Variants in ZNF124 observed in about 807,000 individuals in gnomAD.
ZNF124 encodes the protein zinc finger protein 124.
A neutral mutation model predicts 26.6 loss-of-function variants in ZNF124; 25 were observed. The observed-to-expected ratio is 0.94, with a 90% confidence interval of 0.68 to 1.31. ZNF124 has a LOEUF of 1.31. ZNF124 is among the 40% of genes most tolerant of loss of function. The probability of loss-of-function intolerance (pLI) is 0.00; values close to 1 mark genes in which losing one functional copy is unlikely to be tolerated. For missense variants in ZNF124, 444 were observed against 422.2 expected (o/e 1.05, Z -0.45); for synonymous variants, 129 against 133.3 (o/e 0.97, Z 0.22).
At chr1:247,128,013 T>G (rs558687561) in intron 3 of ZNF124, among the ~76,000 whole-genome samples, 35 of 152,332 alleles carry the variant, frequency 2.3e-4, no homozygotes, top group Non-Finnish European at 2.9e-5. Flanking sequence ...CATGACCGTA[T>G]TCCCCAGCCT....
chr1:247,127,487 A>ATTTCTGC (rs1553330202), intron 3 of ZNF124, among the ~76,000 whole-genome samples: 1 of 108,916 alleles, frequency 9.2e-6, no homozygotes, highest in Non-Finnish European at 2.0e-5. Context: ...CTTATGCCCA[A>ATTTCTGC]TTTCTGCCTC....
intron 3 of ZNF124, among the ~76,000 whole-genome samples, chr1:247,157,671 A>G (rs745949562): frequency 3.9e-5 from 6 of 152,214 alleles, no homozygotes; most frequent in South Asian, 2.1e-4. Context: ...AGGTTTTCTA[A>G]CATAAACAAA....
intron 3 of ZNF124, among the ~76,000 whole-genome samples, chr1:247,124,514 T>G (rs1265002337): frequency 1.3e-5 from 2 of 151,968 alleles, no homozygotes; most frequent in African/African-American, 4.8e-5. Context: ...ATTCTGTGGC[T>G]TTTAGTACAT....
chr1:247,162,988 TCTC>T (rs1362359442), intron 1 of ZNF124, among the ~76,000 whole-genome samples: 2 of 152,132 alleles, frequency 1.3e-5, no homozygotes. Flanking sequence ...TATACATTCT[TCTC>T]AGCTGCACAT....
At chr1:247,142,201 G>A (rs1672647107) in intron 3 of ZNF124, among the ~76,000 whole-genome samples, 1 of 152,216 alleles carries the variant, frequency 6.6e-6, no homozygotes, top group African/African-American at 2.4e-5. Context: ...AAGAAAACAG[G>A]TCTGGGAGTG....
chr1:247,132,549 G>T (rs979678609), intron 3 of ZNF124, among the ~76,000 whole-genome samples: 1 of 152,146 alleles, frequency 6.6e-6, no homozygotes, highest in Non-Finnish European at 1.5e-5. Flanking sequence ...CTTGATAAAA[G>T]GTTAGAATAA....
At chr1:247,142,101 A>AGGAC (rs1345499112) in intron 3 of ZNF124, among the ~76,000 whole-genome samples, 1 of 152,224 alleles carries the variant, frequency 6.6e-6, no homozygotes, top group Non-Finnish European at 1.5e-5. Flanking sequence ...GGAGAAAGAT[A>AGGAC]GGACCAGCCC....
intron 1 of ZNF124, among the ~76,000 whole-genome samples, chr1:247,162,404 G>C (rs1463748536): frequency 6.6e-6 from 1 of 152,006 alleles, no homozygotes; most frequent in Non-Finnish European, 1.5e-5. Flanking sequence ...AAAGTAAAGA[G>C]ATAGAGAAAA....
chr1:247,123,945 G>C (rs949562676), intron 3 of ZNF124: 16 of 700,922 alleles, frequency 2.3e-5, no homozygotes, highest in Non-Finnish European at 4.2e-5. Flanking sequence ...TATGCCCTTT[G>C]TGATGTGCTT....
Position 247,157,390 on chromosome 1 carries a change from G to C in ZNF124, c.232C>G (p.His78Asp). Residue 78 changes from histidine to aspartate, a missense_variant, in exon 4 of 4, where the codon CAT becomes GAT. By Grantham distance (81) the His-to-Asp change is moderately conservative. Coordinates refer to ENST00000543802, the MANE Select transcript of ZNF124 (RefSeq NM_001297568.2). ...CACCCATATGGGTTGTTTCCAGAAT[G>C]AGATATGATGTGCCTATGAAGGGAT... ...SSRNLRHIIS[H>D]SGNNPYGCEE... 1 of 1,552,426 alleles carries C rather than the reference G, an allele frequency of 6.4e-7. No homozygotes were observed. The highest frequency in any genetic ancestry group is 8.7e-7 in the Non-Finnish European group (1 of 1,147,258).
chr1:247,161,316 G>A (rs1673466006), intron 1 of ZNF124, among the ~76,000 whole-genome samples: 1 of 152,148 alleles, frequency 6.6e-6, no homozygotes, highest in African/African-American at 2.4e-5. Flanking sequence ...TTGTAGGATA[G>A]TGAAGGAAGT....
downstream of ZNF124, among the ~76,000 whole-genome samples, chr1:247,154,436 A>G (rs766312643): frequency 5.3e-5 from 8 of 152,176 alleles, no homozygotes; most frequent in Non-Finnish European, 1.2e-4. Context: ...CTGGGAGTCA[A>G]TTAAATCTCT....
chr1:247,125,430 C>CTTTTTTTTTTTTTTTTTTTTTTTTTTTT lies in ZNF124; in HGVS notation c.219-1587_219-1560dup, dbSNP rs71566695. Among the ~76,000 whole-genome samples, 40 of 43,294 alleles carry CTTTTTTTTTTTTTTTTTTTTTTTTTTTT rather than the reference C, an allele frequency of 9.2e-4. 11 individuals carry two copies. Among genetic ancestry groups the CTTTTTTTTTTTTTTTTTTTTTTTTTTTT allele is most frequent in the Non-Finnish European group, 1.6e-3 (37 of 23,386 alleles). 28.4% of individuals were successfully genotyped at this position (43,294 alleles called of 152,430 possible). The stretch of plus-strand genomic sequence containing the variant: ...TATCTTCACCGACACCTGTTTTTGT[C>CTTTTTTTTTTTTTTTTTTTTTTTTTTTT]TTTTTTTTTTTTTTTTTTTTTTTTT... On this transcript the variant is annotated intron_variant, in intron 3 of 3. Coordinates refer to the ZNF124 transcript ENST00000472531.
At position 247,159,828 on chromosome 1, in the gene ZNF124, A is replaced by G. The variant is rs1465606363; in HGVS notation, c.31-15T>C. The stretch of plus-strand genomic sequence containing the variant: ...GCAACCGAGTTCTAAAATATTCCAC[A>G]TTTTTGTAGAGGATGGATGAGACTG... On this transcript the variant is annotated splice_polypyrimidine_tract_variant and intron_variant, in intron 1 of 3. Transcript: ENST00000543802. The G allele has an allele frequency of 1.2e-6, 2 of 1,606,326 alleles. No homozygotes were observed. Among genetic ancestry groups the G allele is most frequent in the African/African-American group, 2.7e-5 (2 of 74,326 alleles).
chr1:247,156,480 A>C lies in ZNF124; in HGVS notation c.*86T>G. The stretch of plus-strand genomic sequence containing the variant: ...TATTTGAGGAAATCTGGGAAAATTA[A>C]GTACTTTCCTACACCTTACATTCAC... On this transcript the variant is annotated 3_prime_UTR_variant, in exon 4 of 4. Transcript: ENST00000543802. 7.3e-7 allele frequency: 1 copy of C among 1,361,346 alleles called. No individual in the cohort carries two copies. The highest frequency in any genetic ancestry group is 2.6e-5 in the East Asian group (1 of 37,814). The allele number at this position is 1,361,346 out of a possible 1,614,324, so 84.3% of individuals were successfully genotyped here. A position where few individuals can be genotyped will look rare whatever the true frequency, so the allele number is the denominator to read the frequency against.
chr1:247,160,499 T>C (rs1406539293), intron 1 of ZNF124, among the ~76,000 whole-genome samples: 1 of 152,230 alleles, frequency 6.6e-6, no homozygotes, highest in Non-Finnish European at 1.5e-5. Context: ...AAATACCTGC[T>C]ACAAAGTTCA....
chr1:247,159,930 C>A, intron 1 of ZNF124, 117 bp from the exon 2 acceptor site: 1 of 1,209,942 alleles, frequency 8.3e-7, no homozygotes, highest in Non-Finnish European at 1.1e-6. Context: ...ACTATTTGGT[C>A]ACTAGAACTA....
chr1:247,139,889 G>T (rs994013317), intron 3 of ZNF124, among the ~76,000 whole-genome samples: 1 of 152,158 alleles, frequency 6.6e-6, no homozygotes, highest in African/African-American at 2.4e-5. Context: ...GGTGACCTTT[G>T]TAGGTGACCT....
intron 1 of ZNF124, among the ~76,000 whole-genome samples, chr1:247,167,775 C>T (rs757452491): frequency 6.6e-6 from 1 of 152,170 alleles, no homozygotes; most frequent in African/African-American, 2.4e-5. Context: ...GCAGAGTAAA[C>T]AGACAACCCA....
Sources: allele counts gnomAD v4.1 joint callset (sites outside exome capture counted in the v4.1 genomes callset), GRCh38; gene constraint gnomAD v4.1.1; transcripts MANE v1.5; gene names NCBI Gene and HGNC (gene_info 2026-07-23, HGNC 2026-07-21).